Variants in ACOXL observed in about 807,000 individuals in gnomAD.
ACOXL encodes the protein acyl-coenzyme A oxidase-like protein.
In ACOXL, 70 loss-of-function variants were observed where a neutral mutation model predicts 71.9. The observed-to-expected ratio is 0.97, with a 90% confidence interval of 0.80 to 1.19. ACOXL has a LOEUF of 1.19. ACOXL is among the 50% of genes most tolerant of loss of function. The pLI is 0.00. For synonymous variants in ACOXL, 253 were observed against 281.6 expected (o/e 0.90, Z 1.02); for missense variants, 703 against 736.3 (o/e 0.95, Z 0.52).
chr2:110,804,202 G>A (rs1686348044), intron 8 of ACOXL, among the ~76,000 whole-genome samples: 1 of 152,024 alleles, frequency 6.6e-6, no homozygotes, highest in African/African-American at 2.4e-5. Context: ...GACCAGGCTG[G>A]TCTTGAAATC....
chr2:110,990,002 T>C (rs2149566060), intron 13 of ACOXL, among the ~76,000 whole-genome samples: 1 of 152,294 alleles, frequency 6.6e-6, no homozygotes, highest in East Asian at 1.9e-4. Flanking sequence ...ATTGCGCCAT[T>C]GCACTCCAGG....
At chr2:111,041,441 A>G (rs951869336) in intron 15 of ACOXL, among the ~76,000 whole-genome samples, 20 of 152,240 alleles carry the variant, frequency 1.3e-4, no homozygotes, top group African/African-American at 3.6e-4. Flanking sequence ...GGTGGTTGTG[A>G]TGGCCTCCAG....
At chr2:110,766,216 T>C (rs748973380) in intron 1 of ACOXL, among the ~76,000 whole-genome samples, 1 of 152,232 alleles carries the variant, frequency 6.6e-6, no homozygotes, top group Non-Finnish European at 1.5e-5. Context: ...AGTAAATTCT[T>C]TGTATGTGTT....
chr2:110,764,094 G>A (rs922931328), intron 1 of ACOXL, among the ~76,000 whole-genome samples: 1 of 152,128 alleles, frequency 6.6e-6, no homozygotes, highest in Non-Finnish European at 1.5e-5. Flanking sequence ...AATGCAAAAT[G>A]GTATAGCTGC....
intron 10 of ACOXL, among the ~76,000 whole-genome samples, chr2:110,896,052 G>C (rs560353504): frequency 5.3e-5 from 8 of 152,258 alleles, no homozygotes; most frequent in African/African-American, 1.9e-4. Context: ...ACTGCCTGAT[G>C]TGGTTCTAAA....
At chr2:111,051,067 G>T (rs931901551) in intron 16 of ACOXL, among the ~76,000 whole-genome samples, 2 of 152,156 alleles carry the variant, frequency 1.3e-5, no homozygotes, top group African/African-American at 4.8e-5. Context: ...AGACTGTGTG[G>T]CCTCAGCAAC....
chr2:110,770,813 A>G (rs190788342), intron 2 of ACOXL, among the ~76,000 whole-genome samples: 1 of 152,372 alleles, frequency 6.6e-6, no homozygotes, highest in East Asian at 1.9e-4. Flanking sequence ...AATCAGCCCA[A>G]CATGTCTGTG....
intron 13 of ACOXL, among the ~76,000 whole-genome samples, chr2:110,994,573 T>C (rs981215373): frequency 8.5e-5 from 13 of 152,300 alleles, no homozygotes; most frequent in African/African-American, 2.9e-4. Context: ...GAATTAACCC[T>C]TCCCCTGGTT....
chr2:111,064,304 C>T lies in ACOXL; in HGVS notation c.1440+15016C>T, dbSNP rs1042305316. On this transcript the variant is annotated intron_variant, in intron 16 of 17. Transcript: ENST00000439055. ...ACAAAAAATTAGCCGGGCGTGGTGG[C>T]GGGCACCTGTAGTCCCGGCTACTCG... Among the ~76,000 whole-genome samples the T allele has an allele frequency of 9.1e-4, 139 of 151,918 alleles. 1 individual carries two copies. Among genetic ancestry groups the T allele is most frequent in the African/African-American group, 2.5e-3 (104 of 41,378 alleles).
intron 9 of ACOXL, among the ~76,000 whole-genome samples, chr2:110,814,244 G>C (rs1363771194): frequency 6.6e-6 from 1 of 152,178 alleles, no homozygotes; most frequent in Non-Finnish European, 1.5e-5. Flanking sequence ...CTGAGGCCTG[G>C]TTTAATTTTT....
At chr2:110,789,170 G>T (rs1684358033) in intron 3 of ACOXL, among the ~76,000 whole-genome samples, 1 of 152,154 alleles carries the variant, frequency 6.6e-6, no homozygotes, top group South Asian at 2.1e-4. Context: ...AGCGACAGGG[G>T]TGGGCATATT....
chr2:110,859,045 A>T (rs1393648576), intron 10 of ACOXL, among the ~76,000 whole-genome samples: 1 of 152,250 alleles, frequency 6.6e-6, no homozygotes, highest in Non-Finnish European at 1.5e-5. Context: ...GTCAAATTGC[A>T]AAGTTGAATC....
In ACOXL at chr2:111,101,413, T is replaced by C. The variant is rs1007581823; in HGVS notation, c.1542+8447T>C. On this transcript the variant is annotated intron_variant, in intron 17 of 17. Transcript: ENST00000439055. ...TTCCTACAAATGCGGTGTTGGTTGT[T>C]TTCCATGCCACATTGAATGTTTCTT... Among the ~76,000 whole-genome samples the C allele has an allele frequency of 3.3e-5, 5 of 152,170 alleles. 1 individual carries two copies. The highest frequency in any genetic ancestry group is 1.2e-4 in the African/African-American group (5 of 41,444).
At chr2:110,986,123 T>C (rs2062921891) in intron 12 of ACOXL, among the ~76,000 whole-genome samples, 1 of 152,224 alleles carries the variant, frequency 6.6e-6, no homozygotes, top group Non-Finnish European at 1.5e-5. Context: ...TTAGCTATGA[T>C]TTATCAAAAC....
chr2:110,817,915 C>T (rs1217285058), intron 9 of ACOXL, among the ~76,000 whole-genome samples: 1 of 149,498 alleles, frequency 6.7e-6, no homozygotes, highest in Non-Finnish European at 1.5e-5. Context: ...TTCTATTTGC[C>T]GTCTCGTCCA....
chr2:110,893,371 TTAA>T (rs1398648755), intron 10 of ACOXL, among the ~76,000 whole-genome samples: 10 of 143,928 alleles, frequency 6.9e-5, no homozygotes, highest in Middle Eastern at 3.6e-3. Flanking sequence ...AGAAAAATTA[TTAA>T]TAATCAAAAA....
In ACOXL at chr2:110,968,589, A is replaced by G. The variant is rs2062036836; in HGVS notation, c.1060-18519A>G. The G allele has an allele frequency of 3.2e-6, 3 of 927,240 alleles. No individual in the cohort carries two copies. In the Admixed American group the frequency reaches 6.4e-5, roughly 20 times the overall value. 57.4% of individuals were successfully genotyped at this position (927,240 alleles called of 1,614,324 possible). ...ATGCTGCTTATACATCAAGTCTATG[A>G]AAAGAAGCCCAAGAAAGAAGTTAAA... is the stretch of plus-strand genomic sequence containing the variant. On this transcript the variant is annotated intron_variant, in intron 12 of 17. Coordinates refer to ENST00000439055, the MANE Select transcript of ACOXL (RefSeq NM_001142807.4).
At chr2:111,045,076 T>G (rs1394202423) in intron 15 of ACOXL, among the ~76,000 whole-genome samples, 2 of 152,174 alleles carry the variant, frequency 1.3e-5, no homozygotes, top group African/African-American at 2.4e-5. Flanking sequence ...ACATGAACAG[T>G]ACTGGGACAC....
intron 12 of ACOXL, among the ~76,000 whole-genome samples, chr2:110,980,885 G>T (rs922610728): frequency 1.3e-5 from 2 of 152,180 alleles, no homozygotes; most frequent in Non-Finnish European, 2.9e-5. Context: ...GTGTGAGTGC[G>T]CAGCCCCTCT....
Sources: allele counts gnomAD v4.1 joint callset (sites outside exome capture counted in the v4.1 genomes callset), GRCh38; gene constraint gnomAD v4.1.1; transcripts MANE v1.5; gene names NCBI Gene and HGNC (gene_info 2026-07-23, HGNC 2026-07-21).